The following RGS6 variants were observed in gnomAD, a reference collection of about 807,000 sequenced individuals.
The protein encoded by RGS6 is regulator of G protein signaling 6.
A neutral mutation model predicts 78.5 loss-of-function variants in RGS6; 30 were observed. The observed-to-expected ratio is 0.38, with a 90% confidence interval of 0.29 to 0.52. The LOEUF (loss-of-function observed/expected upper bound fraction) is 0.52, where lower values mean the gene tolerates loss of function less well. Ranked by LOEUF, RGS6 falls within the 20% of genes least tolerant of loss-of-function variation. The probability of loss-of-function intolerance (pLI) is 0.85; values close to 1 mark genes in which losing one functional copy is unlikely to be tolerated. For synonymous variants in RGS6, 206 were observed against 206.0 expected, an observed-to-expected ratio of 1.00 and a Z score of 0.00; for missense variants, 495 against 609.7, an observed-to-expected ratio of 0.81 and a Z score of 1.98.
chr14:71,930,453 T>A (rs148621694), upstream of RGS6, among the ~76,000 whole-genome samples: 48 of 152,318 alleles, frequency 3.2e-4, no homozygotes, highest in East Asian at 9.3e-3. Flanking sequence ...ATCAGATATT[T>A]TATGTATAAG....
chr14:72,345,813 A>G (rs1416484353), intron 2 of RGS6, among the ~76,000 whole-genome samples: 3 of 152,238 alleles, frequency 2.0e-5, no homozygotes, highest in Non-Finnish European at 4.4e-5. Flanking sequence ...ACACAAATAC[A>G]TGCAAAAGTT....
the RGS6 span, among the ~76,000 whole-genome samples, chr14:71,916,016 C>T: frequency 3.9e-5 from 6 of 152,284 alleles, no homozygotes; most frequent in East Asian, 1.2e-3. Context: ...TCTTGGACCT[C>T]CACCCTCCAG....
chr14:72,501,070 G>A (rs2096718607), intron 13 of RGS6, among the ~76,000 whole-genome samples: 2 of 152,100 alleles, frequency 1.3e-5, no homozygotes. Context: ...GAGAATGCAG[G>A]ACTCCCTTAG....
intron 15 of RGS6, 110 bp downstream of exon 15, chr14:72,518,647 G>T: frequency 3.7e-6 from 4 of 1,093,494 alleles, no homozygotes; most frequent in Non-Finnish European, 3.9e-6. Flanking sequence ...TTTCAGATTT[G>T]GTTATTTTTA....
At chr14:72,433,475 A>G (rs925159091) in intron 3 of RGS6, among the ~76,000 whole-genome samples, 10 of 152,098 alleles carry the variant, frequency 6.6e-5, no homozygotes, top group African/African-American at 1.9e-4. Context: ...CATCCTGCAC[A>G]TGTTACCCCA....
intron 3 of RGS6, among the ~76,000 whole-genome samples, chr14:72,400,057 A>G (rs902124277): frequency 3.3e-5 from 5 of 152,202 alleles, no homozygotes; most frequent in African/African-American, 1.2e-4. Flanking sequence ...GATACTCCTC[A>G]AGAAGAGCAA....
intron 7 of RGS6, among the ~76,000 whole-genome samples, chr14:72,468,094 T>C (rs559740111): frequency 5.9e-5 from 9 of 152,364 alleles, no homozygotes; most frequent in Non-Finnish European, 1.3e-4. Context: ...CTCTGGTATT[T>C]GTAAAGAATA....
Position 71,948,368 on chromosome 14 carries a change from C to A in RGS6, c.-21+15427C>A, listed in dbSNP as rs78676687. 3.3e-5 allele frequency among the ~76,000 whole-genome samples: 5 copies of A among 152,142 alleles called. No homozygotes were observed. The East Asian group carries it at 9.6e-4, about 29-fold the overall frequency. The stretch of plus-strand genomic sequence containing the variant: ...CAGTCCACAGTGGTAACAGACACAA[C>A]CTCTGGCTCCTTCATCATCCCTGCA... On this transcript the variant is annotated intron_variant, in intron 1 of 17. Coordinates refer to ENST00000553525, the MANE Select transcript of RGS6 (RefSeq NM_001204424.2).
the RGS6 span, chr14:72,619,383 C>G: frequency 6.5e-7 from 1 of 1,536,056 alleles, no homozygotes; most frequent in Admixed American, 2.0e-5. Context: ...AGAAATGAGA[C>G]GGCTTTAGTA....
rs540455480 is a variant in RGS6, at chr14:72,296,755, A to T, written c.85-55340A>T. On this transcript the variant is annotated intron_variant, in intron 2 of 17. Transcript: ENST00000553525. ...TCTGTAGTTTGCTTATTTTATTGAGATTGTCTTTTGATAATGAGTTTTAAA... is the reference window on the plus strand; with the variant it reads ...TCTGTAGTTTGCTTATTTTATTGAGTTTGTCTTTTGATAATGAGTTTTAAA... Among the ~76,000 whole-genome samples, 8 of 152,042 alleles carry T rather than the reference A, an allele frequency of 5.3e-5. No individual in the cohort carries two copies. The South Asian group carries it at 1.5e-3, about 28-fold the overall frequency.
chr14:72,465,651 T>C, intron 6 of RGS6, 107 bp from the exon 7 acceptor site: 1 of 747,640 alleles, frequency 1.3e-6, no homozygotes, highest in East Asian at 2.8e-5. Flanking sequence ...GATGGATGGA[T>C]GGATGGATGG....
At chr14:72,613,278 T>C in the RGS6 span, among the ~76,000 whole-genome samples, 3 of 152,238 alleles carry the variant, frequency 2.0e-5, no homozygotes, top group South Asian at 6.2e-4. Context: ...GTCCCCACCA[T>C]GGCCGCGTTT....
chr14:72,317,100 A>T (rs1233822248), intron 2 of RGS6, among the ~76,000 whole-genome samples: 1 of 152,130 alleles, frequency 6.6e-6, no homozygotes, highest in Non-Finnish European at 1.5e-5. Flanking sequence ...CTGGTTGGTT[A>T]TGTGACCTTG....
At chr14:72,574,197 C>G in the RGS6 span, among the ~76,000 whole-genome samples, 4 of 152,214 alleles carry the variant, frequency 2.6e-5, no homozygotes, top group East Asian at 7.7e-4. Context: ...CATGGCTGCT[C>G]TCAGGATTCT....
At chr14:72,150,877 C>T (rs1001637739) in intron 2 of RGS6, among the ~76,000 whole-genome samples, 1 of 152,120 alleles carries the variant, frequency 6.6e-6, no homozygotes, top group East Asian at 1.9e-4. Context: ...ATCCATGTCA[C>T]GTGGAAAATA....
chr14:72,426,693 T>TTG (rs2153135861), intron 3 of RGS6, among the ~76,000 whole-genome samples: 1 of 152,364 alleles, frequency 6.6e-6, no homozygotes, highest in Admixed American at 6.5e-5. Context: ...TCCCATCATA[T>TTG]TCCTAAAGTT....
chr14:71,929,835 A>G (rs1360335178), upstream of RGS6, among the ~76,000 whole-genome samples: 1 of 152,144 alleles, frequency 6.6e-6, no homozygotes, highest in East Asian at 1.9e-4. Flanking sequence ...ATTTTACTCA[A>G]AGGGTTAAAT....
intron 1 of RGS6, among the ~76,000 whole-genome samples, chr14:71,948,330 A>G (rs1364823015): frequency 1.3e-5 from 2 of 152,060 alleles, no homozygotes; most frequent in Non-Finnish European, 2.9e-5. Context: ...AATGAGGCAT[A>G]CTCTGGCCAG....
rs534357528 is a variant in RGS6 at position 72,040,588 on chromosome 14, T to G, written c.84+75713T>G. Among the ~76,000 whole-genome samples the G allele has an allele frequency of 2.6e-5, 4 of 152,264 alleles. No homozygotes were observed. The South Asian group carries it at 8.3e-4, about 32-fold the overall frequency. On this transcript the variant is annotated intron_variant, in intron 2 of 17. Coordinates refer to ENST00000553525, the MANE Select transcript of RGS6 (RefSeq NM_001204424.2). ...ACAGTTTGATTATAATGTGCCTCAG[T>G]TTAGGCTCTTCAGGTTCATCCTAGT...
Sources: allele counts gnomAD v4.1 joint callset (sites outside exome capture counted in the v4.1 genomes callset), GRCh38; gene constraint gnomAD v4.1.1; transcripts MANE v1.5; gene names NCBI Gene and HGNC (gene_info 2026-07-23, HGNC 2026-07-21).